The following PPARGC1A variants were observed in gnomAD, a reference collection of about 807,000 sequenced individuals.
PPARGC1A encodes peroxisome proliferator-activated receptor gamma coactivator 1-alpha.
Under a neutral mutation model 88.7 loss-of-function variants are expected in PPARGC1A, and 25 were observed. The ratio of observed to expected loss-of-function variants is 0.28; its 90% CI spans 0.21 to 0.39. The LOEUF (loss-of-function observed/expected upper bound fraction) is 0.39. Among genes scored for constraint, PPARGC1A ranks in the 10% least tolerant of loss-of-function variants. The probability of loss-of-function intolerance (pLI) is 1.00; values close to 1 mark genes in which losing one functional copy is unlikely to be tolerated. For missense variants in PPARGC1A, 880 were observed against 968.7 expected, an observed-to-expected ratio of 0.91 and a Z score of 1.22; for synonymous variants, 363 against 355.6, an observed-to-expected ratio of 1.02 and a Z score of -0.24.
At chr4:24,251,859 G>C in the PPARGC1A span, among the ~76,000 whole-genome samples, 1 of 152,114 alleles carries the variant, frequency 6.6e-6, no homozygotes, top group Admixed American at 6.5e-5. Context: ...AACCAGACAG[G>C]AGCACCCTCT....
the PPARGC1A span, among the ~76,000 whole-genome samples, chr4:24,087,653 C>T: frequency 2.0e-5 from 3 of 152,184 alleles, no homozygotes; most frequent in Non-Finnish European, 4.4e-5. Context: ...CTAAGTTTGC[C>T]CATGGTCATA....
At chr4:24,084,402 C>T in the PPARGC1A span, among the ~76,000 whole-genome samples, 5 of 152,332 alleles carry the variant, frequency 3.3e-5, no homozygotes, top group African/African-American at 1.2e-4. Context: ...TAATGATCAT[C>T]AAGAAAGGAA....
chr4:24,257,913 T>C, the PPARGC1A span, among the ~76,000 whole-genome samples: 1 of 152,194 alleles, frequency 6.6e-6, no homozygotes, highest in Non-Finnish European at 1.5e-5. Context: ...ATGGTTCATA[T>C]AAACATTTTT....
the PPARGC1A span, among the ~76,000 whole-genome samples, chr4:24,333,969 A>T: frequency 9.3e-5 from 13 of 139,866 alleles, no homozygotes; most frequent in Non-Finnish European, 1.1e-4. Flanking sequence ...AAAAAAAGGC[A>T]CTAAGAGAAA....
chr4:24,223,054 T>A, the PPARGC1A span, among the ~76,000 whole-genome samples: 1 of 152,298 alleles, frequency 6.6e-6, no homozygotes, highest in Non-Finnish European at 1.5e-5. Context: ...TAAAATGTTT[T>A]GACCCTTTTG....
At chr4:24,333,937 C>CAAAAAAAAAAAAAAAAAAAAAAA in the PPARGC1A span, among the ~76,000 whole-genome samples, 1 of 10,370 alleles carries the variant, frequency 9.6e-5, no homozygotes, top group African/African-American at 1.7e-4. Context: ...CCAACAACAA[C>CAAAAAAAAAAAAAAAAAAAAAAA]AACAAAAAAA....
At chr4:24,399,122 T>C in the PPARGC1A span, among the ~76,000 whole-genome samples, 1 of 124,618 alleles carries the variant, frequency 8.0e-6, no homozygotes, top group East Asian at 2.4e-4. Context: ...TCTAACCCTG[T>C]TCTCAGCAAA....
At chr4:24,237,466 A>G in the PPARGC1A span, among the ~76,000 whole-genome samples, 3 of 152,232 alleles carry the variant, frequency 2.0e-5, no homozygotes, top group Admixed American at 2.0e-4. Flanking sequence ...TTCAGTGCTC[A>G]TTAGTTGAGA....
At chr4:24,089,134 G>C in the PPARGC1A span, among the ~76,000 whole-genome samples, 8 of 152,272 alleles carry the variant, frequency 5.3e-5, no homozygotes, top group Non-Finnish European at 7.4e-5. Flanking sequence ...CTAAACTAAA[G>C]CTTCAGCATC....
At chr4:24,390,564 G>A in the PPARGC1A span, among the ~76,000 whole-genome samples, 1 of 151,948 alleles carries the variant, frequency 6.6e-6, no homozygotes, top group Admixed American at 6.6e-5. Flanking sequence ...TACTTACAAT[G>A]TCATTTGACT....
At chr4:23,806,258 A>G (rs552886513) in intron 10 of PPARGC1A, among the ~76,000 whole-genome samples, 2 of 152,358 alleles carry the variant, frequency 1.3e-5, no homozygotes, top group South Asian at 2.1e-4. Flanking sequence ...AAATGAAAAT[A>G]AAAGGCATCC....
chr4:23,876,819 GGAGA>G (rs1242781667), intron 2 of PPARGC1A, among the ~76,000 whole-genome samples: 1 of 151,596 alleles, frequency 6.6e-6, no homozygotes. Flanking sequence ...AAAAAGAAAA[GGAGA>G]AAGAAAAAAA....
At chr4:24,032,981 TA>T in the PPARGC1A span, among the ~76,000 whole-genome samples, 5 of 152,200 alleles carry the variant, frequency 3.3e-5, no homozygotes, top group East Asian at 9.6e-4. Context: ...GAGAAAATCC[TA>T]GGAGCACTGG....
upstream of PPARGC1A, among the ~76,000 whole-genome samples, chr4:23,902,387 C>T (rs977994764): frequency 1.3e-5 from 2 of 152,164 alleles, no homozygotes; most frequent in African/African-American, 2.4e-5. Context: ...GGGCGCTACT[C>T]GCATCACAAT....
At chr4:23,990,850 C>G in the PPARGC1A span, among the ~76,000 whole-genome samples, 1 of 151,796 alleles carries the variant, frequency 6.6e-6, no homozygotes, top group Non-Finnish European at 1.5e-5. Flanking sequence ...AAGCAAAAAC[C>G]ACGTCGAGTA....
At chr4:24,139,506 C>T in the PPARGC1A span, among the ~76,000 whole-genome samples, 1 of 152,056 alleles carries the variant, frequency 6.6e-6, no homozygotes, top group African/African-American at 2.4e-5. Flanking sequence ...GAGTAAAAAA[C>T]ATTTTTTACA....
chr4:24,027,607 T>C, the PPARGC1A span, among the ~76,000 whole-genome samples: 1 of 152,196 alleles, frequency 6.6e-6, no homozygotes, highest in Non-Finnish European at 1.5e-5. Flanking sequence ...TTCTATGTAC[T>C]CACTATGGGT....
At chr4:24,461,650 A>G in the PPARGC1A span, among the ~76,000 whole-genome samples, 1 of 151,994 alleles carries the variant, frequency 6.6e-6, no homozygotes, top group South Asian at 2.1e-4. Context: ...CTCTCTTACT[A>G]AATGAAAGCT....
At chr4:24,036,599 T>G in the PPARGC1A span, among the ~76,000 whole-genome samples, 13 of 148,732 alleles carry the variant, frequency 8.7e-5, no homozygotes, top group Non-Finnish European at 1.9e-4. Context: ...CATAGAAAAA[T>G]CTTACAGACT....
Sources: gnomAD v4.1 joint callset for allele counts (sites outside exome capture counted in the v4.1 genomes callset) on GRCh38, gnomAD v4.1.1 for gene constraint, MANE v1.5 for transcripts, NCBI Gene and HGNC (gene_info 2026-07-23, HGNC 2026-07-21) for gene names.